The following RHPN2 variants were observed in gnomAD, a reference collection of about 807,000 sequenced individuals.
RHPN2 encodes rhophilin-2.
RHPN2 carries 40 observed loss-of-function variants against 79.0 expected under a neutral mutation model. The ratio of observed to expected loss-of-function variants is 0.51; its 90% CI spans 0.39 to 0.66. The LOEUF (loss-of-function observed/expected upper bound fraction) is 0.66, where lower values mean the gene tolerates loss of function less well. Among genes scored for constraint, RHPN2 ranks in the 30% least tolerant of loss-of-function variants. The pLI is 0.00. For synonymous variants in RHPN2, 285 were observed against 363.5 expected (o/e 0.78, Z 2.46); for missense variants, 686 against 883.5 (o/e 0.78, Z 2.83).
At chr19:33,017,426 T>C (rs1450146960) in intron 4 of RHPN2, among the ~76,000 whole-genome samples, 1 of 151,684 alleles carries the variant, frequency 6.6e-6, no homozygotes, top group African/African-American at 2.4e-5. Context: ...AACAGACAAA[T>C]TAAATCGTAA....
intron 3 of RHPN2, among the ~76,000 whole-genome samples, chr19:33,024,360 G>C (rs2145248479): frequency 6.6e-6 from 1 of 152,282 alleles, no homozygotes; most frequent in East Asian, 1.9e-4. Context: ...TTGAACCTGG[G>C]AGGCGGAGGT....
chr19:33,036,648 C>T (rs1402424467), intron 2 of RHPN2, among the ~76,000 whole-genome samples: 2 of 152,162 alleles, frequency 1.3e-5, no homozygotes, highest in South Asian at 2.1e-4. Flanking sequence ...GGGAGAGGCG[C>T]GGGCGGGAAC....
chr19:33,052,442 G>A (rs77576051), intron 1 of RHPN2, among the ~76,000 whole-genome samples: 3,560 of 152,292 alleles, frequency 0.023, 144 homozygotes, highest in African/African-American at 0.081. Context: ...ACCTTCCCAC[G>A]GGATACAGGA....
chr19:33,016,662 C>A (rs893857805), intron 4 of RHPN2, among the ~76,000 whole-genome samples: 8 of 152,102 alleles, frequency 5.3e-5, no homozygotes, highest in African/African-American at 1.9e-4. Context: ...GCCTGGGCAA[C>A]AGAGTGAGAC....
chr19:33,059,704 C>A (rs1196243300), intron 1 of RHPN2, among the ~76,000 whole-genome samples: 1 of 152,126 alleles, frequency 6.6e-6, no homozygotes, highest in East Asian at 1.9e-4. Flanking sequence ...CTGCCCTTCT[C>A]CCCCTGTACC....
At chr19:33,064,726 C>T in intron 1 of RHPN2, 58 bp downstream of exon 1, 1 of 1,499,182 alleles carries the variant, frequency 6.7e-7, no homozygotes. Flanking sequence ...CTGCAGGGCC[C>T]GGGGGAAAGG....
intron 13 of RHPN2, chr19:32,990,906 G>C (rs1971654322): frequency 4.2e-6 from 2 of 478,404 alleles, no homozygotes; most frequent in African/African-American, 3.9e-5. Flanking sequence ...GTGGGCACCT[G>C]TAGTCCTAGC....
chr19:33,056,796 G>T (rs973937315), intron 1 of RHPN2, among the ~76,000 whole-genome samples: 1 of 152,048 alleles, frequency 6.6e-6, no homozygotes, highest in Non-Finnish European at 1.5e-5. Context: ...ACTGTGGAAG[G>T]CTGAGGCTTG....
chr19:32,993,405 C>T lies in RHPN2; in HGVS notation c.1497+572G>A, dbSNP rs556467266. Reference sequence around the variant, plus strand: ...TGGAGAATCACTTGAACCTGGGAGGCGGAGGCTGCAGTGAGCTGAGATCGC... The same window carrying T: ...TGGAGAATCACTTGAACCTGGGAGGTGGAGGCTGCAGTGAGCTGAGATCGC... On this transcript the variant is annotated intron_variant, in intron 12 of 14. Transcript: ENST00000254260. Among the ~76,000 whole-genome samples the T allele has an allele frequency of 3.7e-3, 562 of 152,032 alleles. 1 individual carries two copies. Among genetic ancestry groups the T allele is most frequent in the African/African-American group, 0.013 (536 of 41,500 alleles).
In RHPN2 at chr19:32,998,959, A is replaced by AGGAGGGGAAG. The variant is rs1189453288; in HGVS notation, c.1225+617_1225+626dup. 4.4e-5 allele frequency among the ~76,000 whole-genome samples: 4 copies of AGGAGGGGAAG among 91,312 alleles called. No homozygotes were observed. The Admixed American group carries it at 6.7e-4, about 15-fold the overall frequency. 59.9% of individuals were successfully genotyped at this position (91,312 alleles called of 152,430 possible). On this transcript the variant is annotated intron_variant, in intron 10 of 14. Coordinates refer to ENST00000254260, the MANE Select transcript of RHPN2 (RefSeq NM_033103.5). ...GGAAGAGGAGAGGAGAGAACAGGAGAGGAGGGGAAGGGAGGGGAACAGAGG... is the reference window on the plus strand; with the variant it reads ...GGAAGAGGAGAGGAGAGAACAGGAGAGGAGGGGAAGGGAGGGGAAGGGAGGGGAACAGAGG...
At chr19:33,050,625 C>T (rs1191999280) in intron 1 of RHPN2, among the ~76,000 whole-genome samples, 1 of 152,128 alleles carries the variant, frequency 6.6e-6, no homozygotes, top group Non-Finnish European at 1.5e-5. Context: ...GTTTATTTTG[C>T]TCAATACCAT....
At chr19:33,016,874 C>T (rs1237032759) in intron 4 of RHPN2, among the ~76,000 whole-genome samples, 1 of 152,182 alleles carries the variant, frequency 6.6e-6, no homozygotes, top group Admixed American at 6.5e-5. Flanking sequence ...GTCCGTCAAA[C>T]GTTCTCATTT....
At chr19:32,992,212 C>CTT in intron 12 of RHPN2, 1 of 485,978 alleles carries the variant, frequency 2.1e-6, no homozygotes, top group Non-Finnish European at 3.8e-6. Context: ...ATCTTTTTCT[C>CTT]TTTTTTTTTG....
At chr19:33,060,153 G>A (rs527907945) in intron 1 of RHPN2, among the ~76,000 whole-genome samples, 2 of 152,156 alleles carry the variant, frequency 1.3e-5, no homozygotes, top group Non-Finnish European at 2.9e-5. Context: ...CAGGCATTGT[G>A]ACGTTTTTTT....
intron 2 of RHPN2, among the ~76,000 whole-genome samples, chr19:33,036,998 C>T (rs878970114): frequency 6.6e-6 from 1 of 152,216 alleles, no homozygotes; most frequent in South Asian, 2.1e-4. Flanking sequence ...CGCAGGGCGC[C>T]GGACTGGCAG....
chr19:33,062,765 T>TTCA (rs971449435), intron 1 of RHPN2, among the ~76,000 whole-genome samples: 8 of 102,468 alleles, frequency 7.8e-5, no homozygotes, highest in African/African-American at 2.8e-4. Context: ...GAGACTCTGT[T>TTCA]TCATAATAAT....
At chr19:33,013,699 C>T (rs1165671801) in intron 4 of RHPN2, among the ~76,000 whole-genome samples, 1 of 152,046 alleles carries the variant, frequency 6.6e-6, no homozygotes, top group East Asian at 1.9e-4. Context: ...AACACTGCAG[C>T]TATTCAGGGG....
chr19:33,010,736 C>T (rs532101202), intron 6 of RHPN2, among the ~76,000 whole-genome samples: 4 of 151,820 alleles, frequency 2.6e-5, no homozygotes, highest in African/African-American at 4.8e-5. Flanking sequence ...GGCTGGAGTA[C>T]GGTGGTGTGA....
Position 33,026,555 on chromosome 19 carries a change from T to C in RHPN2, c.263A>G (p.Lys88Arg). The change falls in exon 3 of 15, where the codon AAG (lysine) becomes AGG (arginine). Residue 88 changes from lysine (K) to arginine (R), a missense_variant. Transcript: ENST00000254260. ...SFVNSDLQMLKEELEGLNISV... is the reference protein window; with the variant it reads ...SFVNSDLQMLREELEGLNISV... ...GATGTTCAGCCCCTCCAGCTCTTCC[T>C]TGAGCATCTGCAGGTCTGAGTTGAC... is the stretch of plus-strand genomic sequence containing the variant. The C allele has an allele frequency of 6.2e-7, 1 of 1,609,566 alleles. No individual in the cohort carries two copies. Among genetic ancestry groups the C allele is most frequent in the South Asian group, 1.1e-5 (1 of 91,084 alleles).
Sources: gnomAD v4.1 joint callset for allele counts (sites outside exome capture counted in the v4.1 genomes callset) on GRCh38, gnomAD v4.1.1 for gene constraint, MANE v1.5 for transcripts, NCBI Gene and HGNC (gene_info 2026-07-23, HGNC 2026-07-21) for gene names.